Variants in MICU2 observed in about 807,000 individuals in gnomAD.
MICU2 encodes the protein calcium uptake protein 2, mitochondrial.
Under a neutral mutation model 60.4 loss-of-function variants are expected in MICU2, and 64 were observed. That is an observed-to-expected ratio of 1.06 (90% confidence interval 0.87 to 1.31). The LOEUF is 1.31. Ranked by LOEUF, MICU2 falls within the 50% of genes most tolerant of loss-of-function variation. MICU2 has a pLI of 0.00. For synonymous variants in MICU2, 201 were observed against 175.0 expected, an observed-to-expected ratio of 1.15 and a Z score of -1.17; for missense variants, 569 against 531.0, an observed-to-expected ratio of 1.07 and a Z score of -0.70.
intron 1 of MICU2, among the ~76,000 whole-genome samples, chr13:21,581,023 C>G (rs1276752164): frequency 2.0e-5 from 3 of 152,060 alleles, no homozygotes; most frequent in Non-Finnish European, 2.9e-5. Context: ...CAACAATTAC[C>G]TGATCTGAAG....
chr13:21,603,012 A>G (rs1888861326), intron 1 of MICU2, among the ~76,000 whole-genome samples: 1 of 148,918 alleles, frequency 6.7e-6, no homozygotes, highest in Non-Finnish European at 1.5e-5. Context: ...CTTGTAGCTC[A>G]GGCTGGAGTG....
intron 1 of MICU2, among the ~76,000 whole-genome samples, chr13:21,600,581 T>G (rs1182666143): frequency 6.6e-6 from 1 of 152,108 alleles, no homozygotes; most frequent in Admixed American, 6.5e-5. Context: ...TCAAAACTTG[T>G]GAAAGGAAGA....
At chr13:21,569,761 T>C (rs1171941891) in intron 1 of MICU2, among the ~76,000 whole-genome samples, 1 of 151,512 alleles carries the variant, frequency 6.6e-6, no homozygotes, top group Non-Finnish European at 1.5e-5. Context: ...TACATGTTCT[T>C]ACTCAGTCTC....
intron 9 of MICU2, among the ~76,000 whole-genome samples, chr13:21,500,638 C>T (rs1027052016): frequency 6.6e-6 from 1 of 151,808 alleles, no homozygotes. Context: ...CGGCTAGTCT[C>T]GAACTCCTGA....
chr13:21,560,657 T>C (rs908485892), intron 2 of MICU2, among the ~76,000 whole-genome samples: 8 of 152,156 alleles, frequency 5.3e-5, no homozygotes, highest in African/African-American at 1.9e-4. Context: ...TGTGCATACA[T>C]GTGTGAGCAC....
chr13:21,527,971 C>G (rs1215919742), intron 4 of MICU2, among the ~76,000 whole-genome samples: 1 of 152,122 alleles, frequency 6.6e-6, no homozygotes, highest in Non-Finnish European at 1.5e-5. Flanking sequence ...CTGTTAAGTA[C>G]AATTTTGTGA....
At position 21,597,948 on chromosome 13, in the gene MICU2, A is replaced by C. The variant is rs188088318; in HGVS notation, c.210+5991T>G. ...TCTGTCTCAAAAAAAAAAAAAAAAAAAGAATTTCAAAGAGCGATAAGTACT... is the reference window on the plus strand; with the variant it reads ...TCTGTCTCAAAAAAAAAAAAAAAAACAGAATTTCAAAGAGCGATAAGTACT... On this transcript the variant is annotated intron_variant, in intron 1 of 11. Transcript: ENST00000382374. Among the ~76,000 whole-genome samples, 97 of 143,266 alleles carry C rather than the reference A, an allele frequency of 6.8e-4. 3 individuals are homozygous for C. Among genetic ancestry groups the C allele is most frequent in the Non-Finnish European group, 1.1e-3 (74 of 64,608 alleles). 94.0% of individuals were successfully genotyped at this position (143,266 alleles called of 152,430 possible).
chr13:21,594,865 C>A (rs940789538), intron 1 of MICU2, among the ~76,000 whole-genome samples: 8 of 152,046 alleles, frequency 5.3e-5, no homozygotes, highest in African/African-American at 1.9e-4. Context: ...ACAACACACA[C>A]CCGGGCCTGT....
rs866909563 is a variant in MICU2, at chr13:21,542,606, T to C, written c.359-2918A>G. 3.3e-5 allele frequency among the ~76,000 whole-genome samples: 5 copies of C among 152,346 alleles called. 1 individual carries two copies. The Middle Eastern group carries it at 0.01, about 311-fold the overall frequency. ...GAAAAAAGATCTAGAATTGAGGTTG[T>C]AATGTTTCATTGTATGAATATGAAA... On this transcript the variant is annotated intron_variant, in intron 2 of 11. Coordinates refer to ENST00000382374, the MANE Select transcript of MICU2 (RefSeq NM_152726.3).
In MICU2 at chr13:21,597,940, A is replaced by AC. The variant is rs891000421; in HGVS notation, c.210+5998_210+5999insG. On this transcript the variant is annotated intron_variant, in intron 1 of 11. Coordinates refer to ENST00000382374, the MANE Select transcript of MICU2 (RefSeq NM_152726.3). ...AGTGAGACTCTGTCTCAAAAAAAAA[A>AC]AAAAAAAAAGAATTTCAAAGAGCGA... is the stretch of plus-strand genomic sequence containing the variant. 3.0e-4 allele frequency among the ~76,000 whole-genome samples: 45 copies of AC among 149,618 alleles called. 1 individual carries two copies. The highest frequency in any genetic ancestry group is 6.1e-4 in the Non-Finnish European group (41 of 67,078).
chr13:21,598,548 T>A (rs1247556189), intron 1 of MICU2, among the ~76,000 whole-genome samples: 1 of 152,086 alleles, frequency 6.6e-6, no homozygotes, highest in African/African-American at 2.4e-5. Flanking sequence ...AAACCCCGTC[T>A]CTACTAAAAA....
At chr13:21,542,671 G>A (rs1887313463) in intron 2 of MICU2, among the ~76,000 whole-genome samples, 1 of 152,112 alleles carries the variant, frequency 6.6e-6, no homozygotes, top group Non-Finnish European at 1.5e-5. Flanking sequence ...TTTGTAGGAG[G>A]CGGCATAGAT....
chr13:21,515,553 G>T (rs1566143985), intron 6 of MICU2: 1 of 440,260 alleles, frequency 2.3e-6, no homozygotes, highest in African/African-American at 2.0e-5. Flanking sequence ...AGAATCAATT[G>T]TATCAATCCT....
intron 2 of MICU2, among the ~76,000 whole-genome samples, chr13:21,562,329 C>T (rs1279558848): frequency 6.6e-6 from 1 of 152,144 alleles, no homozygotes; most frequent in Admixed American, 6.5e-5. Context: ...GTCCCACCAA[C>T]AGTGGAAAAG....
chr13:21,521,309 T>A lies in MICU2; in HGVS notation c.533A>T (p.His178Leu). Residue 178 changes from histidine to leucine, a missense_variant, in exon 6 of 12, where the codon CAT (histidine) becomes CTT (leucine). By Grantham distance (99) the His-to-Leu change is moderately conservative (BLOSUM62 -3). Coordinates refer to ENST00000382374, the MANE Select transcript of MICU2 (RefSeq NM_152726.3). Reference protein sequence around the residue: ...TILTKPHSGFHVAFKMLDTDG... With the variant: ...TILTKPHSGFLVAFKMLDTDG... The stretch of plus-strand genomic sequence containing the variant: ...TGTATCCAGCATTTTAAAAGCAACA[T>A]GAAATCCAGAATGGGGTTCTGCAGT... 1 of 1,609,748 alleles carries A rather than the reference T, an allele frequency of 6.2e-7. No homozygotes were observed. Among genetic ancestry groups the A allele is most frequent in the Non-Finnish European group, 8.5e-7 (1 of 1,178,708 alleles).
At chr13:21,503,714 C>T (rs2138139170) in intron 8 of MICU2, among the ~76,000 whole-genome samples, 1 of 152,294 alleles carries the variant, frequency 6.6e-6, no homozygotes, top group African/African-American at 2.4e-5. Context: ...GAAAGGGACA[C>T]GTTGAAAAGA....
chr13:21,492,933 T>C lies in MICU2; in HGVS notation c.*316A>G, dbSNP rs1044045. 0.23 allele frequency: 38,661 copies of C among 166,842 alleles called. 5,422 individuals carry two copies. Among genetic ancestry groups the C allele is most frequent in the East Asian group, 0.62 (3,652 of 5,916 alleles). The allele number at this position is 166,842 out of a possible 1,614,324, so 10.3% of individuals were successfully genotyped here. ...TCAAGTACTTTTTCCCATATGTATTTGTTTTATCCTTCCAGAAAGCATATC... is the reference window on the plus strand; with the variant it reads ...TCAAGTACTTTTTCCCATATGTATTCGTTTTATCCTTCCAGAAAGCATATC... On this transcript the variant is annotated 3_prime_UTR_variant, in exon 12 of 12. Coordinates refer to ENST00000382374, the MANE Select transcript of MICU2 (RefSeq NM_152726.3).
chr13:21,569,745 T>C (rs1193303377), intron 1 of MICU2, among the ~76,000 whole-genome samples: 1 of 151,606 alleles, frequency 6.6e-6, no homozygotes, highest in African/African-American at 2.4e-5. Context: ...TGCTAATATC[T>C]TTACATACAT....
At chr13:21,569,418 A>C (rs1232665983) in intron 1 of MICU2, among the ~76,000 whole-genome samples, 1 of 152,130 alleles carries the variant, frequency 6.6e-6, no homozygotes, top group African/African-American at 2.4e-5. Flanking sequence ...TATAGAGTAC[A>C]AAACTATCAT....
Sources: allele counts gnomAD v4.1 joint callset (sites outside exome capture counted in the v4.1 genomes callset), GRCh38; gene constraint gnomAD v4.1.1; transcripts MANE v1.5; gene names NCBI Gene and HGNC (gene_info 2026-07-23, HGNC 2026-07-21).